The following CREBBP variants were observed in gnomAD, a reference collection of about 807,000 sequenced individuals.
The protein encoded by CREBBP is CREB-binding protein.
Under a neutral mutation model 265.0 loss-of-function variants are expected in CREBBP, and 19 were observed. The ratio of observed to expected loss-of-function variants is 0.07; its 90% CI spans 0.05 to 0.11. CREBBP has a LOEUF of 0.11. Ranked by LOEUF, CREBBP falls within the 10% of genes least tolerant of loss-of-function variation. The pLI is 1.00. For synonymous variants in CREBBP, 1,457 were observed against 1,223.7 expected (o/e 1.19, Z -3.98); for missense variants, 2,525 against 3,219.0 (o/e 0.78, Z 5.22).
At chr16:3,872,223 G>C (rs1195431919) in intron 1 of CREBBP, among the ~76,000 whole-genome samples, 1 of 152,064 alleles carries the variant, frequency 6.6e-6, no homozygotes, top group East Asian at 1.9e-4. Flanking sequence ...ATATTGTCTA[G>C]GAACTTAATA....
At chr16:3,753,507 T>C (rs1289562217) in intron 19 of CREBBP, among the ~76,000 whole-genome samples, 1 of 152,196 alleles carries the variant, frequency 6.6e-6, no homozygotes, top group East Asian at 1.9e-4. Flanking sequence ...TGTCAGGATT[T>C]AACACTCTGA....
chr16:3,751,837 C>T, intron 19 of CREBBP, 31 bp from the exon 20 acceptor site: 1 of 1,609,322 alleles, frequency 6.2e-7, no homozygotes, highest in South Asian at 1.1e-5. Flanking sequence ...CTTGGGTGAA[C>T]TGGTCCATCA....
chr16:3,769,227 C>T lies in CREBBP; in HGVS notation c.3007G>A (p.Ala1003Thr). 6.2e-7 allele frequency: 1 copy of T among 1,614,138 alleles called. No homozygotes were observed. Among genetic ancestry groups the T allele is most frequent in the Admixed American group, 1.7e-5 (1 of 60,020 alleles). Residue 1003 changes from alanine to threonine, a missense_variant, in exon 15 of 31, where the codon GCA (alanine) becomes ACA (threonine). By Grantham distance (58) the Ala-to-Thr change is moderately conservative. Transcript: ENST00000262367. ...PVLEMKTETQ[A>T]EDTEPDPGES... ...CCAGGATCGGGCTCAGTGTCCTCTG[C>T]TTGGGTCTCCGTCTTCATTTCCAGC...
intron 16 of CREBBP, among the ~76,000 whole-genome samples, chr16:3,762,239 C>G (rs985658740): frequency 6.6e-6 from 1 of 152,212 alleles, no homozygotes; most frequent in Non-Finnish European, 1.5e-5. Flanking sequence ...CCTGCAGACC[C>G]TGTCACCGCC....
chr16:3,823,128 T>C (rs1350872349), intron 2 of CREBBP, among the ~76,000 whole-genome samples: 1 of 152,206 alleles, frequency 6.6e-6, no homozygotes, highest in Non-Finnish European at 1.5e-5. Flanking sequence ...TTCATAGTGA[T>C]TTCTCTGGAT....
intron 9 of CREBBP, 88 bp downstream of exon 9, chr16:3,778,612 C>A (rs2053199907): frequency 8.9e-7 from 1 of 1,120,978 alleles, no homozygotes. Flanking sequence ...TACATAGATT[C>A]CACTATTTCC....
At chr16:3,777,421 T>A (rs921755781) in intron 11 of CREBBP, among the ~76,000 whole-genome samples, 192 bp downstream of exon 11, 4 of 152,166 alleles carry the variant, frequency 2.6e-5, no homozygotes, top group Admixed American at 2.0e-4. Context: ...GGAAGATCTT[T>A]CCTATAATCT....
chr16:3,839,353 A>C (rs757397914), intron 2 of CREBBP, among the ~76,000 whole-genome samples: 4 of 152,202 alleles, frequency 2.6e-5, no homozygotes, highest in Non-Finnish European at 4.4e-5. Flanking sequence ...TTTAATATAC[A>C]TATGCAATCT....
chr16:3,736,445 A>C, intron 27 of CREBBP: 1 of 804,346 alleles, frequency 1.2e-6, no homozygotes, highest in South Asian at 1.6e-5. Context: ...AACAGCTCCA[A>C]CTGTGCTGCT....
intron 1 of CREBBP, among the ~76,000 whole-genome samples, chr16:3,879,261 C>G (rs1045483641): frequency 7.6e-6 from 1 of 131,214 alleles, no homozygotes; most frequent in Non-Finnish European, 1.7e-5. Context: ...CACACACACA[C>G]AAAACAAGGA....
At chr16:3,781,157 T>A (rs1452467151) in intron 7 of CREBBP, 47 bp downstream of exon 7, 1 of 1,522,832 alleles carries the variant, frequency 6.6e-7, no homozygotes, top group Non-Finnish European at 9.1e-7. Flanking sequence ...TGGTTCTCAG[T>A]CCATGCTCCT....
chr16:3,823,120 CAT>C (rs1399888993), intron 2 of CREBBP, among the ~76,000 whole-genome samples: 1 of 152,204 alleles, frequency 6.6e-6, no homozygotes, highest in East Asian at 1.9e-4. Context: ...CAAAATATTT[CAT>C]AGTGATTTCT....
chr16:3,738,529 C>G (rs2151333882), intron 26 of CREBBP, 30 bp downstream of exon 26: 12 of 1,316,044 alleles, frequency 9.1e-6, no homozygotes, highest in Non-Finnish European at 1.3e-5. Context: ...AGGGTTCTTA[C>G]TAGTTCCAAA....
intron 1 of CREBBP, among the ~76,000 whole-genome samples, chr16:3,866,383 C>A (rs943407735): frequency 2.0e-5 from 3 of 152,148 alleles, no homozygotes; most frequent in African/African-American, 7.2e-5. Flanking sequence ...TCAGACGCCA[C>A]ACTAAAACAC....
intron 7 of CREBBP, 59 bp downstream of exon 7, chr16:3,781,145 T>C (rs1394241475): frequency 1.4e-6 from 2 of 1,454,306 alleles, no homozygotes; most frequent in African/African-American, 1.4e-5. Context: ...ATCAGTTTTG[T>C]GTGGTTCTCA....
In CREBBP at chr16:3,727,615, G is replaced by C. The variant is rs912011429; in HGVS notation, c.*103C>G. 1.3e-6 allele frequency: 2 copies of C among 1,595,808 alleles called. No homozygotes were observed. Among genetic ancestry groups the C allele is most frequent in the African/African-American group, 1.4e-5 (1 of 74,064 alleles). Reference sequence around the variant, plus strand: ...ACATCAATCCACCCTTCCATGGCTCGGAAGTCGCAGTTCCATCTAGGAATA... The same window carrying C: ...ACATCAATCCACCCTTCCATGGCTCCGAAGTCGCAGTTCCATCTAGGAATA... On this transcript the variant is annotated 3_prime_UTR_variant, in exon 31 of 31. Coordinates refer to ENST00000262367, the MANE Select transcript of CREBBP (RefSeq NM_004380.3).
At chr16:3,808,126 G>A (rs2053866343) in intron 3 of CREBBP, among the ~76,000 whole-genome samples, 1 of 147,244 alleles carries the variant, frequency 6.8e-6, no homozygotes, top group South Asian at 2.3e-4. Flanking sequence ...GAGGGGGTGG[G>A]GAGAGAAGGG....
chr16:3,828,152 GCGCAACCTCGGCTCAC>G (rs1245861646), intron 2 of CREBBP, among the ~76,000 whole-genome samples: 1 of 151,826 alleles, frequency 6.6e-6, no homozygotes, highest in Non-Finnish European at 1.5e-5. Context: ...GAGTGCAGTG[GCGCAACCTCGGCTCAC>G]CGCAACCTCT....
chr16:3,778,922 T>A, intron 8 of CREBBP, 105 bp from the exon 9 acceptor site: 1 of 906,326 alleles, frequency 1.1e-6, no homozygotes, highest in South Asian at 1.3e-5. Flanking sequence ...ATCCCAGCAC[T>A]TTGGGAGGCT....
Sources: allele counts gnomAD v4.1 joint callset (sites outside exome capture counted in the v4.1 genomes callset), GRCh38; gene constraint gnomAD v4.1.1; transcripts MANE v1.5; gene names NCBI Gene and HGNC (gene_info 2026-07-23, HGNC 2026-07-21).